NTF3: variants seen among roughly 807,000 people sequenced by gnomAD.
NTF3 encodes neurotrophin-3.
NTF3 carries 8 observed loss-of-function variants against 26.3 expected under a neutral mutation model. The observed-to-expected ratio is 0.30, with a 90% CI of 0.18 to 0.55. The LOEUF is 0.55. Among genes scored for constraint, NTF3 ranks in the 20% least tolerant of loss-of-function variants. NTF3 has a pLI of 0.93. For missense variants in NTF3, 276 were observed against 352.9 expected (o/e 0.78, Z 1.75); for synonymous variants, 154 against 145.5 (o/e 1.06, Z -0.42).
intron 1 of NTF3, among the ~76,000 whole-genome samples, chr12:5,460,192 T>A (rs990068906): frequency 6.6e-5 from 10 of 152,040 alleles, no homozygotes; most frequent in Non-Finnish European, 1.5e-4. Flanking sequence ...TAGCCCATCA[T>A]TATTAACTCA....
At chr12:5,442,340 G>A (rs890569375) in intron 1 of NTF3, among the ~76,000 whole-genome samples, 8 of 152,174 alleles carry the variant, frequency 5.3e-5, no homozygotes, top group African/African-American at 1.9e-4. Flanking sequence ...TAGGGTGATG[G>A]ATGCTCAGAG....
chr12:5,447,997 C>A (rs1473174968), intron 1 of NTF3, among the ~76,000 whole-genome samples: 3 of 152,210 alleles, frequency 2.0e-5, no homozygotes, highest in Admixed American at 2.0e-4. Context: ...TCCAGGAAAC[C>A]TGGGTTTATT....
At chr12:5,467,805 C>A (rs1039551764) in intron 1 of NTF3, among the ~76,000 whole-genome samples, 2 of 152,192 alleles carry the variant, frequency 1.3e-5, no homozygotes. Context: ...ATACATGGGG[C>A]AGCCCTCCTC....
At chr12:5,441,920 C>T (rs1386633250) in intron 1 of NTF3, among the ~76,000 whole-genome samples, 1 of 152,250 alleles carries the variant, frequency 6.6e-6, no homozygotes, top group East Asian at 1.9e-4. Context: ...CTTAGTTCTC[C>T]TGCAAATTGG....
At chr12:5,479,834 G>A (rs868399738) in intron 1 of NTF3, among the ~76,000 whole-genome samples, 1 of 152,270 alleles carries the variant, frequency 6.6e-6, no homozygotes, top group South Asian at 2.1e-4. Flanking sequence ...AGGTCTCTCT[G>A]TGTCTTTTGG....
At chr12:5,455,915 T>C (rs1940440520) in intron 1 of NTF3, among the ~76,000 whole-genome samples, 1 of 152,120 alleles carries the variant, frequency 6.6e-6, no homozygotes, top group Non-Finnish European at 1.5e-5. Context: ...CCACAGAGTC[T>C]GAGAAAGCAA....
At chr12:5,437,044 A>C (rs1940175809) in intron 1 of NTF3, among the ~76,000 whole-genome samples, 1 of 152,244 alleles carries the variant, frequency 6.6e-6, no homozygotes, top group African/African-American at 2.4e-5. Flanking sequence ...GTAAGAGGAA[A>C]GCCTGGGCTT....
chr12:5,443,937 A>G (rs1388415460), intron 1 of NTF3, among the ~76,000 whole-genome samples: 1 of 152,244 alleles, frequency 6.6e-6, no homozygotes, highest in Non-Finnish European at 1.5e-5. Context: ...ACTGTGGTCT[A>G]TTAGCATGTC....
chr12:5,447,458 T>C (rs888260637), intron 1 of NTF3, among the ~76,000 whole-genome samples: 3 of 152,232 alleles, frequency 2.0e-5, no homozygotes, highest in African/African-American at 7.2e-5. Flanking sequence ...GCCTTAGAGC[T>C]AGGCATCATT....
chr12:5,448,383 T>A (rs1161390986), intron 1 of NTF3, among the ~76,000 whole-genome samples: 1 of 152,140 alleles, frequency 6.6e-6, no homozygotes, highest in Non-Finnish European at 1.5e-5. Context: ...CTGAGTTGGG[T>A]GGTTGCTAAT....
intron 1 of NTF3, among the ~76,000 whole-genome samples, chr12:5,476,009 A>G (rs905558588): frequency 2.0e-5 from 3 of 152,140 alleles, no homozygotes; most frequent in African/African-American, 7.2e-5. Context: ...CCCTGATGGA[A>G]GAAGGTTTCT....
At chr12:5,464,396 C>T (rs148003737) in intron 1 of NTF3, among the ~76,000 whole-genome samples, 1 of 152,152 alleles carries the variant, frequency 6.6e-6, no homozygotes, top group Non-Finnish European at 1.5e-5. Context: ...AATTTTTCAC[C>T]TTATAATGGT....
At chr12:5,458,602 A>T (rs1406304196) in intron 1 of NTF3, among the ~76,000 whole-genome samples, 1 of 152,348 alleles carries the variant, frequency 6.6e-6, no homozygotes, top group Middle Eastern at 3.4e-3. Flanking sequence ...AAGATCAAAG[A>T]TCAGAGCTGG....
intron 1 of NTF3, among the ~76,000 whole-genome samples, chr12:5,481,761 C>T (rs1010034426): frequency 7.1e-6 from 1 of 141,176 alleles, no homozygotes; most frequent in African/African-American, 2.6e-5. Flanking sequence ...CATATGCACA[C>T]CATACAGAGA....
Position 5,479,945 on chromosome 12 carries a change from A to G in NTF3, c.19-14249A>G, listed in dbSNP as rs188434396. 1.4e-3 allele frequency among the ~76,000 whole-genome samples: 211 copies of G among 152,272 alleles called. 3 individuals carry two copies. The highest frequency in any genetic ancestry group is 6.8e-3 in the Middle Eastern group (2 of 294). On this transcript the variant is annotated intron_variant, in intron 1 of 1. Coordinates refer to ENST00000423158, the MANE Select transcript of NTF3 (RefSeq NM_001102654.2). ...TGGGCTTGCCTCATTACCTGTTTCA[A>G]GGAGGCCTCTATTTGATCCCTGGAG...
chr12:5,490,131 C>T (rs1940916855), intron 1 of NTF3, among the ~76,000 whole-genome samples: 2 of 152,112 alleles, frequency 1.3e-5, no homozygotes, highest in Non-Finnish European at 2.9e-5. Context: ...CAAGAAGAGC[C>T]TGGGGACCAT....
At chr12:5,435,666 A>C (rs1940158376) in intron 1 of NTF3, among the ~76,000 whole-genome samples, 2 of 152,162 alleles carry the variant, frequency 1.3e-5, no homozygotes, top group African/African-American at 2.4e-5. Flanking sequence ...TTCTAAGAGT[A>C]CACAGAGCCT....
chr12:5,437,358 C>T (rs1236925060), intron 1 of NTF3, among the ~76,000 whole-genome samples: 1 of 152,218 alleles, frequency 6.6e-6, no homozygotes, highest in African/African-American at 2.4e-5. Context: ...CTCACATTCC[C>T]CAGGCGGGAC....
At chr12:5,438,787 C>T (rs1027953318) in intron 1 of NTF3, among the ~76,000 whole-genome samples, 1 of 152,204 alleles carries the variant, frequency 6.6e-6, no homozygotes, top group African/African-American at 2.4e-5. Context: ...TGGACATTCT[C>T]TGTAGGACAT....
Sources: allele counts gnomAD v4.1 joint callset (sites outside exome capture counted in the v4.1 genomes callset), GRCh38; gene constraint gnomAD v4.1.1; transcripts MANE v1.5; gene names NCBI Gene and HGNC (gene_info 2026-07-23, HGNC 2026-07-21).